The following TAMM41 variants were observed in gnomAD, a reference collection of about 807,000 sequenced individuals.
TAMM41 encodes the protein phosphatidate cytidylyltransferase, mitochondrial.
Under a neutral mutation model 44.1 loss-of-function variants are expected in TAMM41, and 36 were observed. That is an observed-to-expected ratio of 0.82 (90% CI 0.63 to 1.08). The LOEUF is 1.08. TAMM41 is among the 50% of genes least tolerant of loss of function. The probability of loss-of-function intolerance (pLI) is 0.00; values close to 1 mark genes in which losing one functional copy is unlikely to be tolerated. For missense variants in TAMM41, 417 were observed against 404.3 expected, an observed-to-expected ratio of 1.03 and a Z score of -0.27; for synonymous variants, 164 against 153.1, an observed-to-expected ratio of 1.07 and a Z score of -0.53.
chr3:11,761,946 CAAAAAAAAAA>C, the TAMM41 span, among the ~76,000 whole-genome samples: 2 of 75,030 alleles, frequency 2.7e-5, no homozygotes, highest in Admixed American at 1.7e-4. Context: ...GACTCTGTCT[CAAAAAAAAAA>C]AAAAAAAAAA....
At chr3:11,755,733 G>A in the TAMM41 span, among the ~76,000 whole-genome samples, 1 of 152,116 alleles carries the variant, frequency 6.6e-6, no homozygotes, top group Non-Finnish European at 1.5e-5. Context: ...GCCCTATCAG[G>A]CTCTGCTCTC....
At chr3:11,766,457 C>T in the TAMM41 span, among the ~76,000 whole-genome samples, 2 of 151,616 alleles carry the variant, frequency 1.3e-5, no homozygotes, top group African/African-American at 4.8e-5. Context: ...TGTGAGCCAC[C>T]GTGCCTAGCT....
chr3:11,807,261 AC>A (rs2077937734), intron 7 of TAMM41: 5 of 1,433,250 alleles, frequency 3.5e-6, no homozygotes, highest in Non-Finnish European at 4.5e-6. Context: ...ATTAGCCAAA[AC>A]CACCAGACAA....
At chr3:11,825,622 C>T (rs1421094439) in intron 4 of TAMM41, among the ~76,000 whole-genome samples, 4 of 152,190 alleles carry the variant, frequency 2.6e-5, no homozygotes, top group African/African-American at 9.7e-5. Context: ...TCGTCTTATT[C>T]CTAGAAGTAG....
At chr3:11,747,652 C>T in the TAMM41 span, among the ~76,000 whole-genome samples, 3 of 151,130 alleles carry the variant, frequency 2.0e-5, no homozygotes, top group East Asian at 6.0e-4. Context: ...GCCTGTAGTC[C>T]CAGCTACTCA....
chr3:11,840,280 T>G (rs2079376727), intron 2 of TAMM41, among the ~76,000 whole-genome samples: 1 of 151,674 alleles, frequency 6.6e-6, no homozygotes, highest in Non-Finnish European at 1.5e-5. Context: ...TCACCCAGGC[T>G]GGAGTGCACT....
chr3:11,762,070 G>T, the TAMM41 span, among the ~76,000 whole-genome samples: 2 of 151,918 alleles, frequency 1.3e-5, no homozygotes, highest in Non-Finnish European at 2.9e-5. Context: ...CCCTTGCCAT[G>T]CCTGTCACTG....
chr3:11,839,044 C>T (rs1415598647), intron 3 of TAMM41, among the ~76,000 whole-genome samples, 178 bp downstream of exon 3: 5 of 152,174 alleles, frequency 3.3e-5, no homozygotes, highest in Non-Finnish European at 7.3e-5. Flanking sequence ...CATATTTCTT[C>T]TTATATCACA....
chr3:11,815,460 G>A (rs1437262270), intron 5 of TAMM41, among the ~76,000 whole-genome samples: 1 of 152,116 alleles, frequency 6.6e-6, no homozygotes, highest in Non-Finnish European at 1.5e-5. Context: ...GAGGATGACT[G>A]ACCTAAGCAA....
At chr3:11,723,064 A>C in the TAMM41 span, among the ~76,000 whole-genome samples, 1 of 152,042 alleles carries the variant, frequency 6.6e-6, no homozygotes, top group Non-Finnish European at 1.5e-5. Flanking sequence ...CAGAGGTTGC[A>C]GTGAGTTGAG....
chr3:11,818,173 G>T (rs949018352), intron 4 of TAMM41, among the ~76,000 whole-genome samples: 1 of 152,198 alleles, frequency 6.6e-6, no homozygotes, highest in Non-Finnish European at 1.5e-5. Context: ...TCCTTTGTTG[G>T]AGAGGGAGCA....
chr3:11,771,398 G>A, the TAMM41 span: 3 of 152,266 alleles, frequency 2.0e-5, no homozygotes, highest in Non-Finnish European at 4.4e-5. Flanking sequence ...GGCTGCTGGA[G>A]GTTGGGATTC....
chr3:11,748,263 TG>T, the TAMM41 span, among the ~76,000 whole-genome samples: 14 of 120,550 alleles, frequency 1.2e-4, no homozygotes, highest in East Asian at 2.8e-3. Context: ...TAATATTTTC[TG>T]TACTCTTTTA....
At chr3:11,778,662 G>A in the TAMM41 span, among the ~76,000 whole-genome samples, 3 of 151,832 alleles carry the variant, frequency 2.0e-5, no homozygotes, top group Non-Finnish European at 4.4e-5. Flanking sequence ...ATCGGAAAAT[G>A]ACTATGTGTC....
chr3:11,789,557 A>G (rs1232094701), downstream of TAMM41, among the ~76,000 whole-genome samples: 15 of 152,064 alleles, frequency 9.9e-5, no homozygotes, highest in Admixed American at 9.8e-4. Flanking sequence ...GCCTGAGGGG[A>G]GGGAAGTTAC....
chr3:11,844,812 A>T (rs1039476827), intron 1 of TAMM41: 1 of 420,326 alleles, frequency 2.4e-6, no homozygotes, highest in South Asian at 1.8e-5. Flanking sequence ...GGGTAGAAGT[A>T]TAGAGCTCAG....
chr3:11,811,764 G>C (rs2078093051), intron 5 of TAMM41, among the ~76,000 whole-genome samples: 1 of 152,160 alleles, frequency 6.6e-6, no homozygotes, highest in Non-Finnish European at 1.5e-5. Context: ...GACAGAAGTG[G>C]ATTAGTGGTT....
At chr3:11,816,082 T>A (rs1380417583) in intron 5 of TAMM41, among the ~76,000 whole-genome samples, 1 of 152,188 alleles carries the variant, frequency 6.6e-6, no homozygotes, top group African/African-American at 2.4e-5. Context: ...TTTAAAATAA[T>A]TCCTATTTTT....
chr3:11,804,314 TA>T (rs1428511724), intron 7 of TAMM41, among the ~76,000 whole-genome samples: 2 of 152,110 alleles, frequency 1.3e-5, no homozygotes, highest in African/African-American at 2.4e-5. Flanking sequence ...CAGAAGAGTA[TA>T]AAACAGCCCC....
Sources: allele counts gnomAD v4.1 joint callset (sites outside exome capture counted in the v4.1 genomes callset), GRCh38; gene constraint gnomAD v4.1.1; transcripts MANE v1.5; gene names NCBI Gene and HGNC (gene_info 2026-07-23, HGNC 2026-07-21).